Variants in GALNTL6 observed in about 807,000 individuals in gnomAD.
GALNTL6 encodes polypeptide N-acetylgalactosaminyltransferase-like 6.
In GALNTL6, 46 loss-of-function variants were observed where a neutral mutation model predicts 73.7. The ratio of observed to expected loss-of-function variants is 0.62; its 90% confidence interval spans 0.49 to 0.80. The LOEUF is 0.80. GALNTL6 is among the 30% of genes least tolerant of loss of function. The pLI is 0.00. For missense variants in GALNTL6, 604 were observed against 755.0 expected, an observed-to-expected ratio of 0.80 and a Z score of 2.34; for synonymous variants, 259 against 263.7, an observed-to-expected ratio of 0.98 and a Z score of 0.17.
At chr4:172,304,938 T>C (rs927302845) in intron 3 of GALNTL6, among the ~76,000 whole-genome samples, 1 of 152,234 alleles carries the variant, frequency 6.6e-6, no homozygotes, top group East Asian at 1.9e-4. Context: ...CAAAGTTCAT[T>C]AGTTTTCCAC....
chr4:172,354,858 C>G (rs1742096353), intron 5 of GALNTL6, among the ~76,000 whole-genome samples: 1 of 152,018 alleles, frequency 6.6e-6, no homozygotes, highest in Admixed American at 6.6e-5. Flanking sequence ...GTTATATATC[C>G]TTATTGAGTC....
At chr4:172,808,125 A>G (rs370140069) in intron 5 of GALNTL6, among the ~76,000 whole-genome samples, 1 of 152,152 alleles carries the variant, frequency 6.6e-6, no homozygotes, top group South Asian at 2.1e-4. Flanking sequence ...GCCCGGCCCC[A>G]TCTGTATTCT....
intron 12 of GALNTL6, among the ~76,000 whole-genome samples, chr4:173,028,945 G>A (rs1753342457): frequency 1.3e-5 from 2 of 152,142 alleles, no homozygotes; most frequent in Admixed American, 6.5e-5. Flanking sequence ...AAAAGTGAGT[G>A]GGTGGAATTT....
At chr4:171,945,762 C>T (rs1167755513) in intron 2 of GALNTL6, among the ~76,000 whole-genome samples, 1 of 151,902 alleles carries the variant, frequency 6.6e-6, no homozygotes, top group Non-Finnish European at 1.5e-5. Context: ...AAAAAATAAC[C>T]ACATTTAATT....
intron 2 of GALNTL6, among the ~76,000 whole-genome samples, chr4:171,961,445 A>T (rs1739215719): frequency 6.6e-6 from 1 of 152,162 alleles, no homozygotes; most frequent in Non-Finnish European, 1.5e-5. Context: ...AAAACAAAAA[A>T]GTCTTATTTG....
chr4:172,368,924 T>G (rs1169834121), intron 5 of GALNTL6, among the ~76,000 whole-genome samples: 1 of 152,186 alleles, frequency 6.6e-6, no homozygotes, highest in Non-Finnish European at 1.5e-5. Flanking sequence ...TGCAGACCTT[T>G]GCAGTGAGTA....
chr4:172,615,698 C>A (rs1738699913), intron 5 of GALNTL6, among the ~76,000 whole-genome samples: 1 of 152,070 alleles, frequency 6.6e-6, no homozygotes, highest in African/African-American at 2.4e-5. Context: ...AGTTATGAAT[C>A]CATTGAGTAG....
chr4:171,958,299 C>G (rs1739116481), intron 2 of GALNTL6, among the ~76,000 whole-genome samples: 1 of 152,112 alleles, frequency 6.6e-6, no homozygotes, highest in African/African-American at 2.4e-5. Flanking sequence ...AAAACCATGA[C>G]TTAATGCATA....
chr4:172,449,355 A>C (rs1227908875), intron 5 of GALNTL6, among the ~76,000 whole-genome samples: 1 of 152,212 alleles, frequency 6.6e-6, no homozygotes, highest in Non-Finnish European at 1.5e-5. Flanking sequence ...ACCTTCAAGG[A>C]AACATTTTCA....
At chr4:172,553,867 G>A (rs1429872040) in intron 5 of GALNTL6, among the ~76,000 whole-genome samples, 1 of 151,934 alleles carries the variant, frequency 6.6e-6, no homozygotes, top group African/African-American at 2.4e-5. Flanking sequence ...GACTATCCTG[G>A]ACAACATAAC....
intron 8 of GALNTL6, among the ~76,000 whole-genome samples, chr4:172,912,018 T>C (rs558593180): frequency 6.6e-6 from 1 of 152,296 alleles, no homozygotes; most frequent in South Asian, 2.1e-4. Context: ...CATTTTCCTC[T>C]AACAAGAAAA....
At chr4:172,648,139 T>C (rs1294375877) in intron 5 of GALNTL6, among the ~76,000 whole-genome samples, 1 of 152,148 alleles carries the variant, frequency 6.6e-6, no homozygotes, top group East Asian at 1.9e-4. Context: ...CTGTGTCAGA[T>C]TGGCTTACTG....
intron 5 of GALNTL6, among the ~76,000 whole-genome samples, chr4:172,351,678 C>G (rs1003361540): frequency 6.6e-6 from 1 of 152,072 alleles, no homozygotes; most frequent in Non-Finnish European, 1.5e-5. Context: ...GTGTAGAGTT[C>G]TTTTCACCAA....
chr4:172,254,334 G>A (rs185997381), intron 3 of GALNTL6, among the ~76,000 whole-genome samples: 1 of 151,796 alleles, frequency 6.6e-6, no homozygotes, highest in Non-Finnish European at 1.5e-5. Flanking sequence ...TGATAAATTA[G>A]ATATTAATAA....
At chr4:171,985,719 A>T (rs991236408) in intron 2 of GALNTL6, among the ~76,000 whole-genome samples, 1 of 151,224 alleles carries the variant, frequency 6.6e-6, no homozygotes, top group African/African-American at 2.4e-5. Context: ...AAAATCTGGG[A>T]AATTTGGTAA....
rs189444641 is a variant in GALNTL6, at chr4:172,324,310, G to A, written c.386+12558G>A. On this transcript the variant is annotated intron_variant, in intron 4 of 12. Transcript: ENST00000506823. The stretch of plus-strand genomic sequence containing the variant: ...TACTTGAACAAACTTATTAATGAAT[G>A]TTAAGAATATATTTGAAGCCAATCA... Among the ~76,000 whole-genome samples the A allele has an allele frequency of 8.1e-4, 123 of 151,924 alleles. 2 individuals carry two copies. The South Asian group carries it at 0.016, about 19-fold the overall frequency.
intron 5 of GALNTL6, among the ~76,000 whole-genome samples, chr4:172,790,751 G>T (rs927041568): frequency 7.9e-5 from 12 of 151,980 alleles, no homozygotes; most frequent in Admixed American, 5.9e-4. Context: ...AAAATTAGCT[G>T]GGCATGGTGA....
chr4:172,037,992 G>A (rs577842614), intron 2 of GALNTL6, among the ~76,000 whole-genome samples: 3 of 152,042 alleles, frequency 2.0e-5, no homozygotes, highest in Admixed American at 6.6e-5. Context: ...GGTGGCACAC[G>A]CCTGTAATCC....
chr4:172,353,556 T>G (rs1164195754), intron 5 of GALNTL6, among the ~76,000 whole-genome samples: 3 of 152,146 alleles, frequency 2.0e-5, no homozygotes, highest in Admixed American at 6.6e-5. Context: ...TGAACTCATT[T>G]TATAGCATTT....
Sources: gnomAD v4.1 joint callset for allele counts (sites outside exome capture counted in the v4.1 genomes callset) on GRCh38, gnomAD v4.1.1 for gene constraint, MANE v1.5 for transcripts, NCBI Gene and HGNC (gene_info 2026-07-23, HGNC 2026-07-21) for gene names.